The following DOCK8 variants were observed in gnomAD, a reference collection of about 807,000 sequenced individuals.
DOCK8 encodes dedicator of cytokinesis protein 8.
Under a neutral mutation model 245.6 loss-of-function variants are expected in DOCK8, and 141 were observed. That is an observed-to-expected ratio of 0.57 (90% CI 0.50 to 0.66). DOCK8 has a LOEUF of 0.66. Among genes scored for constraint, DOCK8 ranks in the 30% least tolerant of loss-of-function variants. The pLI is 0.00. For synonymous variants in DOCK8, 1,168 were observed against 970.2 expected (o/e 1.20, Z -3.79); for missense variants, 2,965 against 2,603.4 (o/e 1.14, Z -3.02).
rs1033893597 is a variant in DOCK8, at chr9:312,201, G to A, written c.741+35G>A. ...ACTGTTTCCATACTGGAGAATCTCA[G>A]TGAAGACTCTGAGAGTCATGTGGAC... On this transcript the variant is annotated intron_variant, in intron 6 of 47. Transcript: ENST00000432829. 5.0e-6 allele frequency: 8 copies of A among 1,608,842 alleles called. No individual in the cohort carries two copies. In the African/African-American group the frequency reaches 9.4e-5, roughly 19 times the overall value.
chr9:302,313 T>C (rs567334790), intron 4 of DOCK8, among the ~76,000 whole-genome samples: 4 of 152,348 alleles, frequency 2.6e-5, no homozygotes, highest in South Asian at 4.1e-4. Context: ...ATATTGAAAT[T>C]GGACCCCTCC....
intron 1 of DOCK8, among the ~76,000 whole-genome samples, chr9:233,530 C>G (rs1350493318): frequency 4.6e-5 from 7 of 151,418 alleles, no homozygotes; most frequent in Admixed American, 4.6e-4. Context: ...GTGTGGGAGT[C>G]TAAGTCTCTT....
Position 339,201 on chromosome 9 carries a change from A to G in DOCK8, c.1516+102A>G, listed in dbSNP as rs972217044. 208 of 1,035,592 alleles carry G rather than the reference A, an allele frequency of 2.0e-4. 2 individuals carry two copies. The East Asian group carries it at 5.2e-3, about 26-fold the overall frequency. The allele number at this position is 1,035,592 out of a possible 1,614,324, so 64.2% of individuals were successfully genotyped here. ...AGAATTTATAAAATCATGTTTGCCA[A>G]GTGAAATGTGAGATTTTGTGTTAGG... On this transcript the variant is annotated intron_variant, in intron 13 of 47. Coordinates refer to ENST00000432829, the MANE Select transcript of DOCK8 (RefSeq NM_203447.4).
Position 270,534 on chromosome 9 carries a change from T to C in DOCK8, c.54-1093T>C, listed in dbSNP as rs138717962. Among the ~76,000 whole-genome samples the C allele has an allele frequency of 1.2e-4, 18 of 152,290 alleles. 1 individual carries two copies. Among genetic ancestry groups the C allele is most frequent in the African/African-American group, 4.3e-4 (18 of 41,546 alleles). ...TCCTGCCTTTCTAGGTGTAACTCAT[T>C]GCCAAGGTCGGGAGCAAAGCAAACC... On this transcript the variant is annotated intron_variant, in intron 1 of 47. Coordinates refer to ENST00000432829, the MANE Select transcript of DOCK8 (RefSeq NM_203447.4).
At chr9:288,596 C>CT (rs1240437548) in intron 3 of DOCK8, among the ~76,000 whole-genome samples, 1 of 152,218 alleles carries the variant, frequency 6.6e-6, no homozygotes, top group African/African-American at 2.4e-5. Flanking sequence ...AGGCAGTCTT[C>CT]TAAGCACTTT....
intron 14 of DOCK8, among the ~76,000 whole-genome samples, chr9:356,084 C>T (rs922215941): frequency 3.3e-5 from 5 of 152,174 alleles, no homozygotes; most frequent in African/African-American, 1.2e-4. Context: ...TATACAGAAA[C>T]CACAAGACAA....
intron 28 of DOCK8, among the ~76,000 whole-genome samples, chr9:408,451 C>G (rs2055542984): frequency 6.6e-6 from 1 of 152,172 alleles, no homozygotes; most frequent in African/African-American, 2.4e-5. Flanking sequence ...TCAATTCTAT[C>G]TTCTCTTCTC....
At chr9:397,155 C>A (rs2131398309) in intron 25 of DOCK8, among the ~76,000 whole-genome samples, 1 of 152,086 alleles carries the variant, frequency 6.6e-6, no homozygotes, top group African/African-American at 2.4e-5. Context: ...ACCTGCCTGG[C>A]CAACATGGTG....
At chr9:215,358 C>T (rs1012465782) in intron 1 of DOCK8, 5 of 1,598,558 alleles carry the variant, frequency 3.1e-6, no homozygotes, top group South Asian at 2.2e-5. Context: ...GTGATAGGCG[C>T]CTGGGTAACC....
At chr9:265,446 G>A (rs1587688784) in intron 1 of DOCK8, among the ~76,000 whole-genome samples, 2 of 152,142 alleles carry the variant, frequency 1.3e-5, no homozygotes, top group Non-Finnish European at 1.5e-5. Context: ...CGTATCACTA[G>A]CTTTGTACTT....
intron 6 of DOCK8, chr9:312,441 A>T: frequency 1.8e-6 from 1 of 567,756 alleles, no homozygotes; most frequent in Non-Finnish European, 3.3e-6. Context: ...TTAATCCCCA[A>T]ATGTTTCAAG....
intron 46 of DOCK8, among the ~76,000 whole-genome samples, chr9:463,020 C>A (rs1194694494): frequency 6.6e-6 from 1 of 152,210 alleles, no homozygotes; most frequent in Non-Finnish European, 1.5e-5. Flanking sequence ...CTTGAAACTT[C>A]TTCTGGCACA....
intron 23 of DOCK8, among the ~76,000 whole-genome samples, chr9:387,876 C>T (rs1230068314): frequency 1.3e-5 from 2 of 152,144 alleles, no homozygotes; most frequent in African/African-American, 2.4e-5. Context: ...TGTTTGGTTT[C>T]GCAGTTGCCA....
At chr9:383,604 G>A (rs890748624) in intron 22 of DOCK8, among the ~76,000 whole-genome samples, 2 of 149,526 alleles carry the variant, frequency 1.3e-5, no homozygotes, top group Non-Finnish European at 3.0e-5. Flanking sequence ...GGAGGCTGAG[G>A]CAGGAGAATC....
At chr9:355,917 T>C (rs1288852582) in intron 14 of DOCK8, among the ~76,000 whole-genome samples, 1 of 152,182 alleles carries the variant, frequency 6.6e-6, no homozygotes, top group Non-Finnish European at 1.5e-5. Flanking sequence ...CTGTCTGAAA[T>C]GTTTCTTGCT....
intron 33 of DOCK8, among the ~76,000 whole-genome samples, chr9:423,984 C>G (rs969177180): frequency 1.3e-5 from 2 of 151,980 alleles, no homozygotes; most frequent in African/African-American, 4.8e-5. Context: ...TAGGTTAGTT[C>G]TCAGCCCTGC....
intron 30 of DOCK8, chr9:420,148 G>A (rs369387492): frequency 4.0e-4 from 217 of 543,252 alleles, no homozygotes; most frequent in Middle Eastern, 1.5e-3. Context: ...ACTCAGATAC[G>A]TGGCTGAAAG....
chr9:381,976 A>T (rs2053737317), intron 21 of DOCK8, among the ~76,000 whole-genome samples: 1 of 150,548 alleles, frequency 6.6e-6, no homozygotes, highest in South Asian at 2.1e-4. Context: ...AAAAAAAATT[A>T]AATAGTAATA....
chr9:373,634 C>T (rs1223452156), intron 18 of DOCK8, among the ~76,000 whole-genome samples: 1 of 152,186 alleles, frequency 6.6e-6, no homozygotes, highest in Non-Finnish European at 1.5e-5. Context: ...TTCAACCGTT[C>T]CAGTCAACTT....
Sources: allele counts gnomAD v4.1 joint callset (sites outside exome capture counted in the v4.1 genomes callset), GRCh38; gene constraint gnomAD v4.1.1; transcripts MANE v1.5; gene names NCBI Gene and HGNC (gene_info 2026-07-23, HGNC 2026-07-21).